Variants in TJP1 observed in about 807,000 individuals in gnomAD.
TJP1 encodes the protein tight junction protein ZO-1.
In TJP1, 43 loss-of-function variants were observed where a neutral mutation model predicts 194.2. The ratio of observed to expected loss-of-function variants is 0.22; its 90% CI spans 0.17 to 0.29. TJP1 has a LOEUF of 0.29. TJP1 is among the 10% of genes least tolerant of loss of function. The pLI is 1.00. For missense variants in TJP1, 1,971 were observed against 2,185.7 expected, an observed-to-expected ratio of 0.90 and a Z score of 1.96; for synonymous variants, 801 against 779.0, an observed-to-expected ratio of 1.03 and a Z score of -0.47.
At chr15:29,793,658 C>A (rs751962268) in intron 2 of TJP1, among the ~76,000 whole-genome samples, 5 of 152,128 alleles carry the variant, frequency 3.3e-5, no homozygotes, top group Non-Finnish European at 7.3e-5. Flanking sequence ...CATGAGAACT[C>A]ACTAACTATA....
At chr15:29,834,826 T>C (rs2050971508) in intron 2 of TJP1, among the ~76,000 whole-genome samples, 1 of 152,182 alleles carries the variant, frequency 6.6e-6, no homozygotes, top group African/African-American at 2.4e-5. Context: ...ACTTCTGTTC[T>C]TCTGCTCCTG....
chr15:29,816,619 A>G (rs1277732542), intron 1 of TJP1, among the ~76,000 whole-genome samples: 1 of 152,208 alleles, frequency 6.6e-6, no homozygotes, highest in Non-Finnish European at 1.5e-5. Flanking sequence ...AAACAGTATG[A>G]AGCAAGTATG....
At position 29,810,548 on chromosome 15, in the gene TJP1, T is replaced by C. The variant is rs538649871; in HGVS notation, c.28-9846A>G. On this transcript the variant is annotated intron_variant, in intron 1 of 27. Transcript: ENST00000614355. ...TAGTACCTTCCTTCTGCTGCTAAGCTGAATTTAAGGTGGTCTAACATTACC... is the reference window on the plus strand; with the variant it reads ...TAGTACCTTCCTTCTGCTGCTAAGCCGAATTTAAGGTGGTCTAACATTACC... Among the ~76,000 whole-genome samples the C allele has an allele frequency of 7.2e-5, 11 of 152,286 alleles. 1 individual carries two copies. The South Asian group carries it at 2.3e-3, about 32-fold the overall frequency.
chr15:29,872,321 A>G (rs1485398869), intron 2 of TJP1, among the ~76,000 whole-genome samples: 1 of 152,210 alleles, frequency 6.6e-6, no homozygotes, highest in East Asian at 1.9e-4. Context: ...TATTTCAATC[A>G]GACATGATGA....
intron 2 of TJP1, among the ~76,000 whole-genome samples, chr15:29,849,642 G>A (rs1229665859): frequency 6.6e-6 from 1 of 151,826 alleles, no homozygotes; most frequent in African/African-American, 2.4e-5. Context: ...AGGAGGCTGA[G>A]GCAGGAGAAT....
intron 1 of TJP1, among the ~76,000 whole-genome samples, chr15:29,819,503 C>T (rs557176849): frequency 1.2e-4 from 19 of 152,260 alleles, no homozygotes; most frequent in African/African-American, 4.3e-4. Context: ...TACTAAAAGC[C>T]CATAAATGCA....
At chr15:29,897,712 G>C (rs982254172) in intron 2 of TJP1, among the ~76,000 whole-genome samples, 1 of 152,342 alleles carries the variant, frequency 6.6e-6, no homozygotes, top group Non-Finnish European at 1.5e-5. Context: ...TCTTGCATCA[G>C]TGTGACCTGG....
chr15:29,951,152 C>T (rs1447558323), intron 2 of TJP1, among the ~76,000 whole-genome samples: 2 of 152,022 alleles, frequency 1.3e-5, no homozygotes, highest in African/African-American at 4.8e-5. Context: ...TGTTAGTCTG[C>T]ATGGATACTC....
intron 2 of TJP1, among the ~76,000 whole-genome samples, chr15:29,955,935 A>G (rs2055924826): frequency 6.6e-6 from 1 of 152,066 alleles, no homozygotes; most frequent in South Asian, 2.1e-4. Flanking sequence ...TTGTGATTTT[A>G]TAAGATATTC....
At chr15:29,861,422 T>G (rs1383940430) in intron 2 of TJP1, among the ~76,000 whole-genome samples, 2 of 152,184 alleles carry the variant, frequency 1.3e-5, no homozygotes, top group Non-Finnish European at 2.9e-5. Context: ...AGGTTGCAAT[T>G]TTTTGAATTG....
At chr15:29,838,368 T>A (rs2051106299) in intron 2 of TJP1, among the ~76,000 whole-genome samples, 1 of 152,140 alleles carries the variant, frequency 6.6e-6, no homozygotes, top group Non-Finnish European at 1.5e-5. Context: ...GAGGTTGCAG[T>A]GAGCTGAGAT....
At chr15:29,954,342 T>C (rs2055861780) in intron 2 of TJP1, among the ~76,000 whole-genome samples, 1 of 152,196 alleles carries the variant, frequency 6.6e-6, no homozygotes, top group Non-Finnish European at 1.5e-5. Flanking sequence ...AATGATTCTG[T>C]TTATGCAAAT....
intron 2 of TJP1, among the ~76,000 whole-genome samples, chr15:29,781,342 C>T (rs1268430133): frequency 6.6e-6 from 1 of 152,022 alleles, no homozygotes; most frequent in African/African-American, 2.4e-5. Context: ...AGCCTACCAA[C>T]TAAAAAAAAC....
chr15:29,741,036 A>G (rs2044376361), intron 10 of TJP1: 3 of 213,074 alleles, frequency 1.4e-5, no homozygotes, highest in Non-Finnish European at 2.7e-5. Flanking sequence ...CTCCATTGGA[A>G]AGCTGTGGAA....
chr15:29,927,456 A>G (rs921683778), intron 2 of TJP1, among the ~76,000 whole-genome samples: 1 of 152,200 alleles, frequency 6.6e-6, no homozygotes, highest in Non-Finnish European at 1.5e-5. Context: ...ACCCCACAAA[A>G]TCCATAGAGA....
At chr15:29,719,195 T>G in intron 20 of TJP1, 57 bp from the exon 21 acceptor site, 1 of 1,443,780 alleles carries the variant, frequency 6.9e-7, no homozygotes. Context: ...TAGTCTATTT[T>G]ATTAGACTGT....
At chr15:29,817,776 T>G (rs909460618) in intron 1 of TJP1, among the ~76,000 whole-genome samples, 4 of 151,392 alleles carry the variant, frequency 2.6e-5, no homozygotes, top group African/African-American at 9.7e-5. Context: ...TAAGTGGGAG[T>G]TGAACAATGA....
At chr15:29,968,540 C>T (rs2056410780) in intron 1 of TJP1, 1 of 809,546 alleles carries the variant, frequency 1.2e-6, no homozygotes, top group Non-Finnish European at 1.5e-6. Context: ...CGCGTCCCGT[C>T]GGGCCCGACA....
At chr15:29,760,244 A>G (rs1463740774) in intron 8 of TJP1, 1 of 702,302 alleles carries the variant, frequency 1.4e-6, no homozygotes, top group Admixed American at 2.0e-5. Context: ...GTGTATGTGC[A>G]CATGCACATT....
Sources: allele counts gnomAD v4.1 joint callset (sites outside exome capture counted in the v4.1 genomes callset), GRCh38; gene constraint gnomAD v4.1.1; transcripts MANE v1.5; gene names NCBI Gene and HGNC (gene_info 2026-07-23, HGNC 2026-07-21).